The following ULK4 variants were observed in gnomAD, a reference collection of about 807,000 sequenced individuals.
ULK4 encodes unc-51 like kinase 4, also known as inactive serine/threonine-protein kinase ULK4.
ULK4 carries 133 observed loss-of-function variants against 160.6 expected under a neutral mutation model. That is an observed-to-expected ratio of 0.83 (90% CI 0.72 to 0.96). The LOEUF (loss-of-function observed/expected upper bound fraction) is 0.96. ULK4 is among the 40% of genes least tolerant of loss of function. The pLI, the probability that ULK4 is intolerant of heterozygous loss-of-function variation, is 0.00. For missense variants in ULK4, 1,580 were observed against 1,499.5 expected (o/e 1.05, Z -0.89); for synonymous variants, 534 against 539.8 (o/e 0.99, Z 0.15).
chr3:41,324,384 C>T (rs2080303515), intron 35 of ULK4, among the ~76,000 whole-genome samples: 1 of 152,222 alleles, frequency 6.6e-6, no homozygotes, highest in East Asian at 1.9e-4. Context: ...TGAGTGTCTA[C>T]TCTGCACAGA....
intron 21 of ULK4, among the ~76,000 whole-genome samples, chr3:41,767,827 C>G (rs2039217788): frequency 6.6e-6 from 1 of 152,032 alleles, no homozygotes. Context: ...TTTCTTCTGA[C>G]ACAGCTGTTA....
At chr3:41,647,830 G>A (rs563832923) in intron 30 of ULK4, among the ~76,000 whole-genome samples, 1 of 151,086 alleles carries the variant, frequency 6.6e-6, no homozygotes, top group Non-Finnish European at 1.5e-5. Context: ...AGGCCTCCTT[G>A]AGCTGTGGTG....
At chr3:41,817,865 G>A (rs2041022144) in intron 19 of ULK4, among the ~76,000 whole-genome samples, 1 of 152,092 alleles carries the variant, frequency 6.6e-6, no homozygotes, top group Non-Finnish European at 1.5e-5. Flanking sequence ...CAAAAGATCT[G>A]AATAGACATT....
intron 32 of ULK4, among the ~76,000 whole-genome samples, chr3:41,475,984 G>A (rs1406813295): frequency 6.7e-6 from 1 of 150,038 alleles, no homozygotes; most frequent in African/African-American, 2.5e-5. Context: ...GGGAGGCATG[G>A]GAGGGCAGGA....
intron 12 of ULK4, among the ~76,000 whole-genome samples, chr3:41,907,061 G>A (rs972249901): frequency 6.6e-6 from 1 of 152,106 alleles, no homozygotes; most frequent in Admixed American, 6.6e-5. Context: ...ACCACATATT[G>A]TATGATTCCA....
intron 18 of ULK4, among the ~76,000 whole-genome samples, chr3:41,821,053 C>T (rs1053710958): frequency 6.6e-6 from 1 of 152,134 alleles, no homozygotes; most frequent in Non-Finnish European, 1.5e-5. Context: ...GGACTCTGTG[C>T]CCTCTCCCTT....
intron 18 of ULK4, among the ~76,000 whole-genome samples, chr3:41,830,366 T>G (rs1304252633): frequency 1.3e-5 from 2 of 152,094 alleles, no homozygotes; most frequent in African/African-American, 2.4e-5. Context: ...AACATGATTC[T>G]GTATGATTCT....
chr3:41,288,466 C>CT (rs1370323414), intron 35 of ULK4, among the ~76,000 whole-genome samples: 1 of 137,348 alleles, frequency 7.3e-6, no homozygotes, highest in East Asian at 2.1e-4. Flanking sequence ...GGCAGGTTGT[C>CT]TTAGAGAGCC....
intron 22 of ULK4, among the ~76,000 whole-genome samples, chr3:41,753,746 C>G (rs190123760): frequency 6.6e-6 from 1 of 152,198 alleles, no homozygotes; most frequent in African/African-American, 2.4e-5. Flanking sequence ...CATCTCAACA[C>G]CCTGCTTTGG....
intron 31 of ULK4, among the ~76,000 whole-genome samples, chr3:41,598,457 T>A (rs2031836533): frequency 6.6e-6 from 1 of 152,130 alleles, no homozygotes; most frequent in South Asian, 2.1e-4. Flanking sequence ...AGTAATATAT[T>A]TCAAAGGGAG....
At chr3:41,325,837 A>T (rs9831625) in intron 35 of ULK4, among the ~76,000 whole-genome samples, 26,609 of 151,938 alleles carry the variant, frequency 0.18, 2,999 homozygotes, top group African/African-American at 0.32. Context: ...GTGAATTGCT[A>T]GAACCAGGGA....
chr3:41,772,665 T>A (rs2039437286), intron 21 of ULK4, among the ~76,000 whole-genome samples: 1 of 152,178 alleles, frequency 6.6e-6, no homozygotes, highest in African/African-American at 2.4e-5. Flanking sequence ...GTACCATTCC[T>A]TCTGAAACTA....
At chr3:41,742,850 AGTAGAGT>A (rs1161301205) in intron 22 of ULK4, among the ~76,000 whole-genome samples, 1 of 151,906 alleles carries the variant, frequency 6.6e-6, no homozygotes, top group African/African-American at 2.4e-5. Context: ...TAAGCTCAAT[AGTAGAGT>A]GTAGATGACA....
At chr3:41,918,423 G>A (rs368478371) in intron 7 of ULK4, 34 bp downstream of exon 7, 5 of 1,451,568 alleles carry the variant, frequency 3.4e-6, no homozygotes, top group African/African-American at 1.4e-5. Context: ...AGTGTAAAAT[G>A]TAAATTAATT....
intron 32 of ULK4, among the ~76,000 whole-genome samples, chr3:41,474,819 AT>A (rs1559630248): frequency 3.0e-5 from 3 of 100,764 alleles, no homozygotes; most frequent in East Asian, 3.6e-4. Context: ...AATGATTATT[AT>A]TAAAAAAAAA....
chr3:41,505,287 C>A (rs1426805592), intron 32 of ULK4, among the ~76,000 whole-genome samples: 1 of 152,054 alleles, frequency 6.6e-6, no homozygotes, highest in Non-Finnish European at 1.5e-5. Context: ...TCCTTCCAGA[C>A]CCTCCCTGAA....
chr3:41,714,846 T>C (rs2037210800), intron 25 of ULK4, among the ~76,000 whole-genome samples: 1 of 81,836 alleles, frequency 1.2e-5, no homozygotes. Context: ...AGCGAGACTC[T>C]GTCTTTAAAA....
At chr3:41,339,658 G>A (rs1048688698) in intron 35 of ULK4, among the ~76,000 whole-genome samples, 7 of 152,242 alleles carry the variant, frequency 4.6e-5, no homozygotes, top group African/African-American at 1.2e-4. Flanking sequence ...GATGAGGTAC[G>A]AACAAAACAA....
chr3:41,697,132 G>T (rs963135238), intron 27 of ULK4, among the ~76,000 whole-genome samples: 3 of 152,160 alleles, frequency 2.0e-5, no homozygotes, highest in African/African-American at 7.2e-5. Context: ...AGCAGCAACA[G>T]AAAGCTAATA....
Sources: gnomAD v4.1 joint callset for allele counts (sites outside exome capture counted in the v4.1 genomes callset) on GRCh38, gnomAD v4.1.1 for gene constraint, MANE v1.5 for transcripts, NCBI Gene and HGNC (gene_info 2026-07-23, HGNC 2026-07-21) for gene names.